FANCI: variants seen among roughly 807,000 people sequenced by gnomAD.
The protein encoded by FANCI is FA complementation group I.
A neutral mutation model predicts 176.1 loss-of-function variants in FANCI; 156 were observed. The observed-to-expected ratio is 0.89, with a 90% CI of 0.78 to 1.01. The LOEUF is 1.01. Among genes scored for constraint, FANCI ranks in the 50% least tolerant of loss-of-function variants. FANCI has a pLI of 0.00. For missense variants in FANCI, 1,678 were observed against 1,534.1 expected, an observed-to-expected ratio of 1.09 and a Z score of -1.57; for synonymous variants, 613 against 541.7, an observed-to-expected ratio of 1.13 and a Z score of -1.83.
intron 1 of FANCI, chr15:89,245,111 G>A (rs1228642701): frequency 6.6e-6 from 1 of 152,026 alleles, no homozygotes; most frequent in East Asian, 1.9e-4. Context: ...GTTTACTGGT[G>A]CCATGAGAGG....
In FANCI at chr15:89,305,258, T is replaced by C; in HGVS notation, c.3186+16T>C. ...TATAGACCAGGTACTATAATGAGCC[T>C]TCAGTACAATACCCTGTGTGGGGAT... On this transcript the variant is annotated intron_variant, in intron 29 of 37. Transcript: ENST00000310775. 6.2e-7 allele frequency: 1 copy of C among 1,614,206 alleles called. No individual in the cohort carries two copies. The highest frequency in any genetic ancestry group is 1.1e-5 in the South Asian group (1 of 91,080).
At position 89,299,816 on chromosome 15, in the gene FANCI, TAC is replaced by T. The variant is rs779146752; in HGVS notation, c.2656_2657del (p.Thr886PhefsTer53). ...CTGCTTCAGAGTCTTGCTATGGAGA[TAC>T]ACTTCAATTCCTACTTCAGTGGAAG... ...CDITRVLLWR[Y>X]TSIPTSVEES... On this transcript the variant is annotated frameshift_variant, in exon 25 of 38. Coordinates refer to ENST00000310775, the MANE Select transcript of FANCI (RefSeq NM_001113378.2). LOFTEE classifies it high-confidence loss of function. The T allele has an allele frequency of 1.2e-6, 2 of 1,613,794 alleles. No homozygotes were observed. The highest frequency in any genetic ancestry group is 4.5e-5 in the East Asian group (2 of 44,848).
intron 2 of FANCI, among the ~76,000 whole-genome samples, chr15:89,258,116 T>C (rs927196433): frequency 6.6e-6 from 1 of 152,180 alleles, no homozygotes; most frequent in Non-Finnish European, 1.5e-5. Flanking sequence ...TGCCAAGTTC[T>C]TTGCTGCTTC....
intron 34 of FANCI, among the ~76,000 whole-genome samples, chr15:89,309,211 T>A (rs2054855263): frequency 6.6e-6 from 1 of 152,220 alleles, no homozygotes; most frequent in African/African-American, 2.4e-5. Flanking sequence ...CTCATGCTTG[T>A]AAATTTTCAT....
chr15:89,303,819 T>C (rs2054612126), intron 27 of FANCI, 45 bp from the exon 28 acceptor site: 2 of 1,550,558 alleles, frequency 1.3e-6, no homozygotes, highest in East Asian at 4.5e-5. Flanking sequence ...CACCTAGGTC[T>C]ATCTCTGGCA....
chr15:89,315,066 C>T (rs2055168603), intron 36 of FANCI, among the ~76,000 whole-genome samples: 1 of 152,128 alleles, frequency 6.6e-6, no homozygotes, highest in South Asian at 2.1e-4. Flanking sequence ...ACCTTGGCCT[C>T]CCAAAGTGCT....
Position 89,261,709 on chromosome 15 carries a change from C to G in FANCI, c.413C>G (p.Ala138Gly), listed in dbSNP as rs1275988250. 6.2e-7 allele frequency: 1 copy of G among 1,613,958 alleles called. No individual in the cohort carries two copies. The highest frequency in any genetic ancestry group is 8.5e-7 in the Non-Finnish European group (1 of 1,180,004). Residue 138 changes from alanine to glycine, a missense_variant, in exon 5 of 38, where the codon GCT becomes GGT. This residue lies in a region of FANCI where 469 missense variants were observed against 436.9 expected (regional missense o/e 1.07). Transcript: ENST00000310775. ...CTACCTATCATTCTCACTGCCCTGGCTACGAAAAAGGAAAATCTGGCTTAT... is the reference window on the plus strand; with the variant it reads ...CTACCTATCATTCTCACTGCCCTGGGTACGAAAAAGGAAAATCTGGCTTAT... ...ELLPIILTALATKKENLAYGK... is the reference protein window; with the variant it reads ...ELLPIILTALGTKKENLAYGK...
At chr15:89,314,784 A>G in intron 36 of FANCI, 77 bp downstream of exon 36, 1 of 1,022,562 alleles carries the variant, frequency 9.8e-7, no homozygotes, top group South Asian at 1.3e-5. Context: ...CAGCACAACT[A>G]CAATGGAGGA....
intron 11 of FANCI, 148 bp downstream of exon 11, chr15:89,273,617 G>A (rs1014077986): frequency 3.0e-5 from 19 of 643,434 alleles, no homozygotes; most frequent in African/African-American, 2.4e-4. Flanking sequence ...AATAAGACAT[G>A]TATGTCCCCT....
chr15:89,249,865 GA>G (rs1312617295), intron 2 of FANCI, among the ~76,000 whole-genome samples: 1 of 152,026 alleles, frequency 6.6e-6, no homozygotes, highest in African/African-American at 2.4e-5. Flanking sequence ...AAAATATAAA[GA>G]ATATTTAAAA....
At position 89,316,889 on chromosome 15, in the gene FANCI, G is replaced by C; in HGVS notation, c.*430G>C. The C allele has an allele frequency of 8.4e-7, 1 of 1,187,228 alleles. No homozygotes were observed. Among genetic ancestry groups the C allele is most frequent in the East Asian group, 2.3e-5 (1 of 43,044 alleles). The allele number at this position is 1,187,228 out of a possible 1,614,324, so 73.5% of individuals were successfully genotyped here. Reference sequence around the variant, plus strand: ...AAGAACTGTAACTGAGAGCTCAGAAGTGAGCAAAGGAGCTTAATGCTAAGG... The same window carrying C: ...AAGAACTGTAACTGAGAGCTCAGAACTGAGCAAAGGAGCTTAATGCTAAGG... On this transcript the variant is annotated 3_prime_UTR_variant, in exon 38 of 38. Coordinates refer to ENST00000310775, the MANE Select transcript of FANCI (RefSeq NM_001113378.2).
Position 89,303,852 on chromosome 15 carries a change from T to A in FANCI, c.3007-12T>A. On this transcript the variant is annotated splice_polypyrimidine_tract_variant and intron_variant, in intron 27 of 37. Transcript: ENST00000310775. ...GCATGTTTCTTTAATATCTGAATGATCTCTAATTTAGTTTGTGCAGATGTT... is the reference window on the plus strand; with the variant it reads ...GCATGTTTCTTTAATATCTGAATGAACTCTAATTTAGTTTGTGCAGATGTT... 1 of 1,612,384 alleles carries A rather than the reference T, an allele frequency of 6.2e-7. No individual in the cohort carries two copies. The highest frequency in any genetic ancestry group is 1.3e-5 in the African/African-American group (1 of 75,004).
At chr15:89,296,434 GTTTTTGT>G (rs1567167565) in intron 24 of FANCI, among the ~76,000 whole-genome samples, 12 of 150,492 alleles carry the variant, frequency 8.0e-5, no homozygotes, top group Admixed American at 4.0e-4. Flanking sequence ...GTTTTGTTTT[GTTTTTGT>G]TTTTGTTTTT....
At chr15:89,301,296 T>C (rs375207106) in intron 26 of FANCI, 30 bp from the exon 27 acceptor site, 13 of 1,444,240 alleles carry the variant, frequency 9.0e-6, no homozygotes, top group African/African-American at 7.0e-5. Context: ...TCTGCTAACA[T>C]TGCTTGCTGT....
chr15:89,301,257 A>C, intron 26 of FANCI, 69 bp from the exon 27 acceptor site: 1 of 976,526 alleles, frequency 1.0e-6, no homozygotes, highest in Non-Finnish European at 1.7e-6. Context: ...GTCTCTGACT[A>C]GATGCCTCTT....
intron 17 of FANCI, among the ~76,000 whole-genome samples, chr15:89,284,893 A>G (rs963376625): frequency 3.9e-5 from 6 of 152,202 alleles, no homozygotes; most frequent in African/African-American, 1.4e-4. Flanking sequence ...ATTTTGTTAA[A>G]ATGCTTAAAA....
chr15:89,274,065 A>G, intron 11 of FANCI, 103 bp from the exon 12 acceptor site: 1 of 857,124 alleles, frequency 1.2e-6, no homozygotes, highest in South Asian at 1.6e-5. Context: ...TTATAGCATG[A>G]GCTATATAAT....
intron 18 of FANCI, among the ~76,000 whole-genome samples, chr15:89,286,272 C>T (rs915662682): frequency 1.3e-5 from 2 of 152,204 alleles, no homozygotes; most frequent in African/African-American, 2.4e-5. Flanking sequence ...GGATTACAGG[C>T]GTGAGCCACC....
At chr15:89,286,977 CTTTTTTTT>C (rs543431700) in intron 18 of FANCI, among the ~76,000 whole-genome samples, 3 of 86,054 alleles carry the variant, frequency 3.5e-5, no homozygotes, top group Non-Finnish European at 6.4e-5. Context: ...TCACCTTGCA[CTTTTTTTT>C]TTTTTTTTTT....
Sources: allele counts gnomAD v4.1 joint callset (sites outside exome capture counted in the v4.1 genomes callset), GRCh38; gene constraint gnomAD v4.1.1; regional missense constraint gnomAD v4.1.1; transcripts MANE v1.5; gene names NCBI Gene and HGNC (gene_info 2026-07-23, HGNC 2026-07-21).